The following SEPTIN7 variants were observed in gnomAD, a reference collection of about 807,000 sequenced individuals.
SEPTIN7 encodes the protein septin-7.
SEPTIN7 carries 10 observed loss-of-function variants against 63.3 expected under a neutral mutation model. The observed-to-expected ratio is 0.16, with a 90% CI of 0.10 to 0.27. SEPTIN7 has a LOEUF of 0.27. Among genes scored for constraint, SEPTIN7 ranks in the 10% least tolerant of loss-of-function variants. The pLI, the probability that SEPTIN7 is intolerant of heterozygous loss-of-function variation, is 1.00. For synonymous variants in SEPTIN7, 131 were observed against 165.3 expected (o/e 0.79, Z 1.59); for missense variants, 310 against 521.0 (o/e 0.59, Z 3.94).
chr7:35,898,462 AT>A, intron 12 of SEPTIN7, 79 bp downstream of exon 12: 3 of 930,668 alleles, frequency 3.2e-6, no homozygotes, highest in Non-Finnish European at 3.2e-6. Context: ...TTTATAGATA[AT>A]ATAACCTTTT....
chr7:35,889,605 G>A (rs1167287107), intron 10 of SEPTIN7, among the ~76,000 whole-genome samples: 1 of 151,996 alleles, frequency 6.6e-6, no homozygotes, highest in African/African-American at 2.4e-5. Flanking sequence ...AGTGCAATGC[G>A]TGATCTTGGC....
At chr7:35,863,267 G>C (rs778287593) in intron 3 of SEPTIN7, among the ~76,000 whole-genome samples, 28 of 151,962 alleles carry the variant, frequency 1.8e-4, no homozygotes, top group Non-Finnish European at 3.2e-4. Context: ...TTTTCTTTGG[G>C]AATAACATTA....
rs553948799 is a variant in SEPTIN7, at chr7:35,896,056, G to A, written c.999-2192G>A. 3.9e-5 allele frequency among the ~76,000 whole-genome samples: 6 copies of A among 152,260 alleles called. No individual in the cohort carries two copies. In the South Asian group the frequency reaches 1.0e-3, roughly 26 times the overall value. On this transcript the variant is annotated intron_variant, in intron 11 of 13. Coordinates refer to ENST00000350320, the MANE Select transcript of SEPTIN7 (RefSeq NM_001788.6). ...AAACTCGTGACTTTGTGATCTGCCT[G>A]CCTTGGCCTCCCAAACTGCTAGCAT...
chr7:35,882,858 A>C (rs1244196309), intron 8 of SEPTIN7, among the ~76,000 whole-genome samples: 2 of 152,088 alleles, frequency 1.3e-5, no homozygotes, highest in East Asian at 1.9e-4. Flanking sequence ...CTTAAAAAAC[A>C]AGTGATGAGA....
At chr7:35,900,146 A>C (rs771553317) in intron 12 of SEPTIN7, 3 of 152,242 alleles carry the variant, frequency 2.0e-5, no homozygotes, top group Non-Finnish European at 2.9e-5. Context: ...AATAGAATGC[A>C]CGGAATGAGA....
At chr7:35,871,243 CAT>C (rs1351236067) in intron 4 of SEPTIN7, among the ~76,000 whole-genome samples, 2 of 152,130 alleles carry the variant, frequency 1.3e-5, no homozygotes, top group African/African-American at 2.4e-5. Flanking sequence ...AAAGATAAGT[CAT>C]GTGTGTCCAC....
downstream of SEPTIN7, among the ~76,000 whole-genome samples, chr7:35,910,595 A>G (rs939438758): frequency 6.6e-6 from 1 of 152,214 alleles, no homozygotes; most frequent in African/African-American, 2.4e-5. Flanking sequence ...TATGCCTATT[A>G]ATGTGATTTC....
chr7:35,818,360 G>T (rs1224529783), intron 1 of SEPTIN7, among the ~76,000 whole-genome samples: 6 of 151,916 alleles, frequency 3.9e-5, no homozygotes, highest in South Asian at 2.1e-4. Flanking sequence ...TTTATTGCTG[G>T]ATTTGGTTTG....
chr7:35,813,324 C>T (rs779318374), intron 1 of SEPTIN7, among the ~76,000 whole-genome samples: 14 of 151,676 alleles, frequency 9.2e-5, no homozygotes, highest in Non-Finnish European at 2.1e-4. Context: ...CTTGGTTTGA[C>T]CTTTTCCTAC....
chr7:35,902,915 G>T (rs1391195578), intron 12 of SEPTIN7, 161 bp from the exon 13 acceptor site: 1 of 1,099,444 alleles, frequency 9.1e-7, no homozygotes, highest in African/African-American at 1.6e-5. Flanking sequence ...CCTAAAGGAG[G>T]AGGAGTCCTT....
chr7:35,840,100 T>C (rs1784332322), intron 3 of SEPTIN7, among the ~76,000 whole-genome samples: 2 of 151,640 alleles, frequency 1.3e-5, no homozygotes, highest in African/African-American at 2.4e-5. Flanking sequence ...CTTTCCCTTT[T>C]CCTTTTTCTT....
intron 1 of SEPTIN7, among the ~76,000 whole-genome samples, chr7:35,808,023 A>T (rs1788463105): frequency 6.6e-6 from 1 of 151,222 alleles, no homozygotes; most frequent in South Asian, 2.1e-4. Flanking sequence ...GGGTTTCACC[A>T]TGTTGGTCAG....
chr7:35,884,683 C>T (rs1244416854), intron 9 of SEPTIN7, among the ~76,000 whole-genome samples: 2 of 152,122 alleles, frequency 1.3e-5, no homozygotes, highest in East Asian at 3.9e-4. Flanking sequence ...GTTAAAACAT[C>T]CACAGTCTTC....
chr7:35,906,874 AAG>A lies in SEPTIN7; in HGVS notation c.*2582_*2583del, dbSNP rs1415879511. ...CAGGATATGGTAGGTAAGGGGGAAA[AAG>A]GAAAGACGGCTTGATAGCTATGAAT... is the stretch of plus-strand genomic sequence containing the variant. On this transcript the variant is annotated 3_prime_UTR_variant, in exon 14 of 14. Transcript: ENST00000350320. 14 of 152,210 alleles carry A rather than the reference AAG, an allele frequency of 9.2e-5. No individual in the cohort carries two copies. The highest frequency in any genetic ancestry group is 1.9e-4 in the Non-Finnish European group (13 of 68,032). 9.4% of individuals were successfully genotyped at this position (152,210 alleles called of 1,614,324 possible). A position where few individuals can be genotyped will look rare whatever the true frequency, so the allele number is the denominator to read the frequency against.
chr7:35,890,093 CTT>C (rs1053024434), intron 10 of SEPTIN7, among the ~76,000 whole-genome samples: 1 of 152,060 alleles, frequency 6.6e-6, no homozygotes, highest in African/African-American at 2.4e-5. Context: ...GTATTGTAGA[CTT>C]ATATATATTG....
chr7:35,876,588 A>G (rs532865199), intron 6 of SEPTIN7, among the ~76,000 whole-genome samples: 1 of 152,246 alleles, frequency 6.6e-6, no homozygotes, highest in East Asian at 1.9e-4. Flanking sequence ...CTGTAATCCC[A>G]GCACTTTGGG....
intron 1 of SEPTIN7, among the ~76,000 whole-genome samples, chr7:35,830,283 T>C (rs1783769046): frequency 6.6e-6 from 1 of 151,702 alleles, no homozygotes. Context: ...GGATTCAGTG[T>C]TGGGGAAAGT....
At chr7:35,842,228 A>G (rs1453922044) in intron 3 of SEPTIN7, among the ~76,000 whole-genome samples, 2 of 152,106 alleles carry the variant, frequency 1.3e-5, no homozygotes, top group East Asian at 1.9e-4. Flanking sequence ...TTGTTTCACT[A>G]TTGAACTACA....
intron 4 of SEPTIN7, among the ~76,000 whole-genome samples, chr7:35,864,353 T>C (rs1785678921): frequency 6.6e-6 from 1 of 152,136 alleles, no homozygotes; most frequent in South Asian, 2.1e-4. Flanking sequence ...TCTAACAAGA[T>C]CACAGGTGAT....
Sources: allele counts gnomAD v4.1 joint callset (sites outside exome capture counted in the v4.1 genomes callset), GRCh38; gene constraint gnomAD v4.1.1; transcripts MANE v1.5; gene names NCBI Gene and HGNC (gene_info 2026-07-23, HGNC 2026-07-21).